The following XKR4 variants were observed in gnomAD, a reference collection of about 807,000 sequenced individuals.
XKR4 encodes XK related 4, also known as XK-related protein 4.
In XKR4, 12 loss-of-function variants were observed where a neutral mutation model predicts 53.9. The ratio of observed to expected loss-of-function variants is 0.22; its 90% CI spans 0.14 to 0.36. The LOEUF is 0.36. Among genes scored for constraint, XKR4 ranks in the 10% least tolerant of loss-of-function variants. The pLI, the probability that XKR4 is intolerant of heterozygous loss-of-function variation, is 1.00. For synonymous variants in XKR4, 354 were observed against 362.4 expected (o/e 0.98, Z 0.26); for missense variants, 799 against 859.5 (o/e 0.93, Z 0.88).
intron 1 of XKR4, among the ~76,000 whole-genome samples, chr8:55,169,799 G>A (rs1203757343): frequency 6.6e-6 from 1 of 152,194 alleles, no homozygotes; most frequent in Non-Finnish European, 1.5e-5. Flanking sequence ...CAGAATTTAA[G>A]TGTACAACTT....
At chr8:55,463,722 C>A (rs554678127) in intron 2 of XKR4, among the ~76,000 whole-genome samples, 2 of 152,078 alleles carry the variant, frequency 1.3e-5, no homozygotes, top group East Asian at 1.9e-4. Flanking sequence ...AATTGATAGA[C>A]CGCTAGCAAG....
At chr8:55,327,300 A>C (rs1803308387) in intron 1 of XKR4, among the ~76,000 whole-genome samples, 1 of 152,164 alleles carries the variant, frequency 6.6e-6, no homozygotes, top group South Asian at 2.1e-4. Flanking sequence ...CATTTAGAAA[A>C]ATAAAATGTT....
intron 1 of XKR4, among the ~76,000 whole-genome samples, chr8:55,265,153 T>C (rs1818578706): frequency 6.6e-6 from 1 of 152,236 alleles, no homozygotes; most frequent in Non-Finnish European, 1.5e-5. Flanking sequence ...AGGGTATCAC[T>C]ACAAGCAGAT....
rs1807020792 is a variant in XKR4, at chr8:55,535,570, A to T, written c.*11343A>T. 6.6e-6 allele frequency: 1 copy of T among 152,192 alleles called. No individual in the cohort carries two copies. Among genetic ancestry groups the T allele is most frequent in the Non-Finnish European group, 1.5e-5 (1 of 68,054 alleles). 9.4% of individuals were successfully genotyped at this position (152,192 alleles called of 1,614,324 possible). On this transcript the variant is annotated 3_prime_UTR_variant, in exon 3 of 3. Coordinates refer to ENST00000327381, the MANE Select transcript of XKR4 (RefSeq NM_052898.2). ...CCAATCGTGGGAATATAGGAGCAATAAATAGTCCTCTTAAGCAAGGTTCAT... is the reference window on the plus strand; with the variant it reads ...CCAATCGTGGGAATATAGGAGCAATTAATAGTCCTCTTAAGCAAGGTTCAT...
chr8:55,453,496 C>T (rs1397397326), intron 2 of XKR4: 18 of 390,288 alleles, frequency 4.6e-5, no homozygotes, highest in Non-Finnish European at 9.2e-5. Flanking sequence ...CGACCTCCAG[C>T]TGCCCTGGGC....
intron 2 of XKR4, among the ~76,000 whole-genome samples, chr8:55,358,975 G>C (rs144547600): frequency 6.6e-6 from 1 of 152,338 alleles, no homozygotes; most frequent in African/African-American, 2.4e-5. Context: ...AAAAGGAAGA[G>C]AAAATGTGTA....
In XKR4 at chr8:55,451,506, G is replaced by C. The variant is rs1805442918; in HGVS notation, c.1007-71775G>C. The C allele has an allele frequency of 2.1e-5, 22 of 1,058,722 alleles. No individual in the cohort carries two copies. The South Asian group carries it at 3.1e-4, about 15-fold the overall frequency. The allele number at this position is 1,058,722 out of a possible 1,614,324, so 65.6% of individuals were successfully genotyped here. On this transcript the variant is annotated intron_variant, in intron 2 of 2. Coordinates refer to ENST00000327381, the MANE Select transcript of XKR4 (RefSeq NM_052898.2). ...CCTGGAACTGGCCTGGAGAAGGTGC[G>C]TTCTGGGCCTTAAAGAGTCCGACTA...
At chr8:55,327,655 C>A (rs1803313916) in intron 1 of XKR4, among the ~76,000 whole-genome samples, 1 of 152,150 alleles carries the variant, frequency 6.6e-6, no homozygotes, top group Non-Finnish European at 1.5e-5. Context: ...GTATTTGTGT[C>A]TTTTAATACA....
chr8:55,348,172 G>A (rs528162010), intron 1 of XKR4, among the ~76,000 whole-genome samples: 1 of 152,116 alleles, frequency 6.6e-6, no homozygotes, highest in South Asian at 2.1e-4. Context: ...ACACCATGCC[G>A]GATAACATGC....
intron 1 of XKR4, among the ~76,000 whole-genome samples, chr8:55,187,354 C>T (rs796354123): frequency 2.1e-5 from 3 of 141,976 alleles, no homozygotes; most frequent in African/African-American, 7.9e-5. Context: ...TTGATAGTGA[C>T]ACAATTAAGG....
At chr8:55,352,938 T>C (rs985518156) in intron 1 of XKR4, among the ~76,000 whole-genome samples, 1 of 152,180 alleles carries the variant, frequency 6.6e-6, no homozygotes, top group Admixed American at 6.5e-5. Context: ...GACAACTTAA[T>C]GGATGGAAGT....
chr8:55,346,690 T>TGTGTGC (rs1803649252), intron 1 of XKR4, among the ~76,000 whole-genome samples: 1 of 133,630 alleles, frequency 7.5e-6, no homozygotes, highest in African/African-American at 3.2e-5. Context: ...AGGTTATGTG[T>TGTGTGC]GTGTGTGTGT....
intron 2 of XKR4, among the ~76,000 whole-genome samples, chr8:55,409,006 CA>C (rs36030680): frequency 0.051 from 3,325 of 65,682 alleles, 85 homozygotes; most frequent in African/African-American, 0.12. Flanking sequence ...GACTCCGTCT[CA>C]AAAAAAAAAA....
chr8:55,482,873 T>C (rs1057202857), intron 2 of XKR4, among the ~76,000 whole-genome samples: 1 of 152,232 alleles, frequency 6.6e-6, no homozygotes, highest in Non-Finnish European at 1.5e-5. Flanking sequence ...GGTTAAAGAC[T>C]ATAATAATTT....
intron 2 of XKR4, among the ~76,000 whole-genome samples, chr8:55,492,980 T>C (rs987448419): frequency 6.6e-6 from 1 of 152,216 alleles, no homozygotes; most frequent in Non-Finnish European, 1.5e-5. Context: ...GCAGATGTGA[T>C]CCTCAGTAGC....
intron 1 of XKR4, among the ~76,000 whole-genome samples, chr8:55,152,553 G>C (rs1158807832): frequency 1.3e-5 from 2 of 152,052 alleles, no homozygotes; most frequent in Non-Finnish European, 2.9e-5. Flanking sequence ...TTCTTATAAA[G>C]GGTTGATTAC....
intron 1 of XKR4, among the ~76,000 whole-genome samples, chr8:55,106,267 G>A (rs1159352135): frequency 6.6e-6 from 1 of 152,138 alleles, no homozygotes; most frequent in African/African-American, 2.4e-5. Context: ...AATAGCCATT[G>A]AAACATTGTG....
chr8:55,327,067 A>G (rs932819817), intron 1 of XKR4, among the ~76,000 whole-genome samples: 2 of 152,140 alleles, frequency 1.3e-5, no homozygotes, highest in Non-Finnish European at 2.9e-5. Flanking sequence ...AGATCGTTGC[A>G]AGGCGTTTAT....
At position 55,227,338 on chromosome 8, in the gene XKR4, T is replaced by C. The variant is rs148052003; in HGVS notation, c.806+124044T>C. Reference sequence around the variant, plus strand: ...AACAGATACAATTTCCAGATCATGGTTTCATTCTATAAAGAACCACTGAGG... The same window carrying C: ...AACAGATACAATTTCCAGATCATGGCTTCATTCTATAAAGAACCACTGAGG... On this transcript the variant is annotated intron_variant, in intron 1 of 2. Transcript: ENST00000327381. 7.2e-5 allele frequency among the ~76,000 whole-genome samples: 11 copies of C among 152,300 alleles called. No homozygotes were observed. The East Asian group carries it at 2.1e-3, about 29-fold the overall frequency.
Sources: gnomAD v4.1 joint callset for allele counts (sites outside exome capture counted in the v4.1 genomes callset) on GRCh38, gnomAD v4.1.1 for gene constraint, MANE v1.5 for transcripts, NCBI Gene and HGNC (gene_info 2026-07-23, HGNC 2026-07-21) for gene names.